MYMX: variants seen among roughly 807,000 people sequenced by gnomAD.
MYMX encodes protein myomixer.
the MYMX span, among the ~76,000 whole-genome samples, chr6:44,205,092 G>T: frequency 3.3e-5 from 5 of 152,136 alleles, no homozygotes; most frequent in African/African-American, 1.2e-4. Flanking sequence ...ACCTGCCTTT[G>T]AACATAACTG....
At chr6:44,205,545 T>A in the MYMX span, among the ~76,000 whole-genome samples, 1 of 152,038 alleles carries the variant, frequency 6.6e-6, no homozygotes, top group African/African-American at 2.4e-5. Flanking sequence ...GGGCGGTGGC[T>A]CATGCCTGTA....
In MYMX at chr6:44,217,539, G is replaced by T. The variant is rs992317304; in HGVS notation, c.68G>T (p.Arg23Leu). Residue 23 changes from arginine (R) to leucine (L), a missense_variant, in exon 2 of 2, where the codon CGC (arginine) becomes CTC (leucine). By Grantham distance (102) the Arg-to-Leu change is moderately radical. Coordinates refer to ENST00000573382, the MANE Select transcript of MYMX (RefSeq NM_001315494.2). ...LLSCLLLPAA[R>L]LARQYLLPLL... ...TCCTGCCTGCTGCTGCCTGCTGCCCGCCTGGCCCGCCAATACCTCCTGCCC... is the reference window on the plus strand; with the variant it reads ...TCCTGCCTGCTGCTGCCTGCTGCCCTCCTGGCCCGCCAATACCTCCTGCCC... 9.9e-6 allele frequency: 4 copies of T among 405,004 alleles called. No individual in the cohort carries two copies. The highest frequency in any genetic ancestry group is 1.7e-5 in the Non-Finnish European group (4 of 229,740). The allele number at this position is 405,004 out of a possible 1,614,324, so 25.1% of individuals were successfully genotyped here. A position where few individuals can be genotyped will look rare whatever the true frequency, so the allele number is the denominator to read the frequency against.
chr6:44,201,166 G>T, the MYMX span, among the ~76,000 whole-genome samples: 3 of 152,282 alleles, frequency 2.0e-5, no homozygotes, highest in Non-Finnish European at 4.4e-5. Flanking sequence ...CCTCCAAAGC[G>T]CATCACCTCT....
chr6:44,208,258 A>AAAAG, the MYMX span, among the ~76,000 whole-genome samples: 650 of 151,628 alleles, frequency 4.3e-3, 5 homozygotes, highest in African/African-American at 0.015. Context: ...AAAAAAAAAA[A>AAAAG]AAAGAAAGAA....
At chr6:44,208,300 C>T in the MYMX span, among the ~76,000 whole-genome samples, 4 of 150,204 alleles carry the variant, frequency 2.7e-5, no homozygotes, top group Admixed American at 1.3e-4. Context: ...TCCTCCTAAA[C>T]AACTGTCTTA....
the MYMX span, among the ~76,000 whole-genome samples, chr6:44,210,625 T>C: frequency 0.036 from 5,485 of 152,296 alleles, 145 homozygotes; most frequent in Non-Finnish European, 0.055. Context: ...AAAAATAATT[T>C]CCCAAATCTC....
chr6:44,200,021 A>G, the MYMX span, among the ~76,000 whole-genome samples: 8 of 152,206 alleles, frequency 5.3e-5, no homozygotes, highest in South Asian at 1.7e-3. Flanking sequence ...AGCCAGGCAC[A>G]GTGGCTCATG....
chr6:44,211,467 A>G, the MYMX span, among the ~76,000 whole-genome samples: 2,150 of 152,246 alleles, frequency 0.014, 49 homozygotes, highest in African/African-American at 0.05. Context: ...GGGGAGGTGC[A>G]TGGGGAAAGG....
upstream of MYMX, among the ~76,000 whole-genome samples, chr6:44,216,079 C>T (rs1271214563): frequency 6.6e-6 from 1 of 152,166 alleles, no homozygotes; most frequent in Non-Finnish European, 1.5e-5. Context: ...CCAGCTGTGC[C>T]CAGCTAGGAG....
the MYMX span, among the ~76,000 whole-genome samples, chr6:44,202,694 G>A: frequency 6.6e-6 from 1 of 152,132 alleles, no homozygotes; most frequent in Non-Finnish European, 1.5e-5. Flanking sequence ...GGGAGGTGGG[G>A]TGGAGCTAAT....
the MYMX span, among the ~76,000 whole-genome samples, chr6:44,210,344 T>G: frequency 6.6e-6 from 1 of 152,030 alleles, no homozygotes. Flanking sequence ...GCTGGAGTGC[T>G]GTGGCTTGAT....
chr6:44,217,657 G>C lies in MYMX; in HGVS notation c.186G>C (p.Ser62=). 2.5e-6 allele frequency: 1 copy of C among 401,050 alleles called. No individual in the cohort carries two copies. Among genetic ancestry groups the C allele is most frequent in the Non-Finnish European group, 4.4e-6 (1 of 226,390 alleles). The allele number at this position is 401,050 out of a possible 1,614,324, so 24.8% of individuals were successfully genotyped here. ...TGTTCATTCTCAGCCAGCGACACTC[G>C]CCAGACGCTGGGGAGGCCTCAAGAG... ...CLLFILSQRH[S]PDAGEASRVD... is the part of the protein sequence containing the mutation. The change falls in exon 2 of 2, where the codon TCG becomes TCC. Residue 62 remains serine (S), a synonymous_variant. Coordinates refer to ENST00000573382, the MANE Select transcript of MYMX (RefSeq NM_001315494.2).
At chr6:44,205,434 G>A in the MYMX span, among the ~76,000 whole-genome samples, 31 of 152,218 alleles carry the variant, frequency 2.0e-4, no homozygotes, top group Middle Eastern at 6.8e-3. Flanking sequence ...TGAGGATGGT[G>A]GATCGCTTGA....
chr6:44,199,923 A>G, the MYMX span, among the ~76,000 whole-genome samples: 9 of 152,112 alleles, frequency 5.9e-5, no homozygotes, highest in Non-Finnish European at 1.0e-4. Context: ...GGGCTCAAGC[A>G]ATCCAAGCGT....
chr6:44,216,953 G>T lies in MYMX; in HGVS notation c.-38G>T, dbSNP rs180971679. Reference sequence around the variant, plus strand: ...AAATCCAGCCAGAGACTGATTCTGAGCAGCAGTTCTGCCCGGTGAGAGCTG... The same window carrying T: ...AAATCCAGCCAGAGACTGATTCTGATCAGCAGTTCTGCCCGGTGAGAGCTG... On this transcript the variant is annotated 5_prime_UTR_variant, in exon 1 of 2. Transcript: ENST00000573382. 91 of 153,542 alleles carry T rather than the reference G, an allele frequency of 5.9e-4. No individual in the cohort carries two copies. Among genetic ancestry groups the T allele is most frequent in the Non-Finnish European group, 1.1e-3 (79 of 68,966 alleles). 9.5% of individuals were successfully genotyped at this position (153,542 alleles called of 1,614,324 possible).
chr6:44,196,911 TGG>T, the MYMX span, among the ~76,000 whole-genome samples: 3 of 152,044 alleles, frequency 2.0e-5, no homozygotes, highest in African/African-American at 7.2e-5. Context: ...TGAGCTGAGA[TGG>T]CGCCATTGCA....
chr6:44,203,921 C>T, the MYMX span, among the ~76,000 whole-genome samples: 1 of 152,154 alleles, frequency 6.6e-6, no homozygotes, highest in African/African-American at 2.4e-5. Flanking sequence ...GATCTTGGCA[C>T]ACTGCAACCT....
At chr6:44,201,424 G>A in the MYMX span, among the ~76,000 whole-genome samples, 1 of 152,094 alleles carries the variant, frequency 6.6e-6, no homozygotes, top group Non-Finnish European at 1.5e-5. Flanking sequence ...AGGCCTCCCT[G>A]GCTCCTTGTC....
At chr6:44,197,799 T>C in the MYMX span, among the ~76,000 whole-genome samples, 1 of 152,268 alleles carries the variant, frequency 6.6e-6, no homozygotes, top group Non-Finnish European at 1.5e-5. Flanking sequence ...GTTGCCCAGG[T>C]TGGCCTTGAA....
Sources: allele counts gnomAD v4.1 joint callset (sites outside exome capture counted in the v4.1 genomes callset), GRCh38; gene constraint gnomAD v4.1.1; transcripts MANE v1.5; gene names NCBI Gene and HGNC (gene_info 2026-07-23, HGNC 2026-07-21).